Variants in HS3ST3A1 observed in about 807,000 individuals in gnomAD.
HS3ST3A1 encodes the protein heparan sulfate glucosamine 3-O-sulfotransferase 3A1.
HS3ST3A1 carries 19 observed loss-of-function variants against 25.7 expected under a neutral mutation model. The ratio of observed to expected loss-of-function variants is 0.74; its 90% CI spans 0.52 to 1.08. The LOEUF (loss-of-function observed/expected upper bound fraction) is 1.08, where lower values mean the gene tolerates loss of function less well. HS3ST3A1 is among the 50% of genes least tolerant of loss of function. The pLI is 0.00. For missense variants in HS3ST3A1, 459 were observed against 594.3 expected (o/e 0.77, Z 2.37); for synonymous variants, 226 against 278.6 (o/e 0.81, Z 1.88).
At chr17:13,506,373 T>A (rs1011304525) in intron 1 of HS3ST3A1, among the ~76,000 whole-genome samples, 3 of 152,192 alleles carry the variant, frequency 2.0e-5, no homozygotes, top group Non-Finnish European at 2.9e-5. Context: ...ACCTCTAAGA[T>A]TCCATGTAGG....
Position 13,565,492 on chromosome 17 carries a change from A to T in HS3ST3A1, c.599+35039T>A, listed in dbSNP as rs551616310. 2.0e-5 allele frequency among the ~76,000 whole-genome samples: 3 copies of T among 152,344 alleles called. No homozygotes were observed. The South Asian group carries it at 6.2e-4, about 32-fold the overall frequency. Reference sequence around the variant, plus strand: ...GGCTGCAGTGAGCTGTGATCGTGCCACTGCACTCCAGCCTGGGCTACAGAG... The same window carrying T: ...GGCTGCAGTGAGCTGTGATCGTGCCTCTGCACTCCAGCCTGGGCTACAGAG... On this transcript the variant is annotated intron_variant, in intron 1 of 1. Transcript: ENST00000284110.
At chr17:13,514,489 C>CA in intron 1 of HS3ST3A1, among the ~76,000 whole-genome samples, 1 of 152,236 alleles carries the variant, frequency 6.6e-6, no homozygotes, top group East Asian at 1.9e-4. Context: ...ACTGACACGC[C>CA]ACCTACATCA....
chr17:13,563,283 G>A (rs1907594229), intron 1 of HS3ST3A1, among the ~76,000 whole-genome samples: 1 of 151,864 alleles, frequency 6.6e-6, no homozygotes, highest in South Asian at 2.1e-4. Context: ...CTGAAGTTGG[G>A]GTATAAAGGG....
intron 1 of HS3ST3A1, among the ~76,000 whole-genome samples, chr17:13,524,412 C>A (rs1313841043): frequency 2.6e-5 from 4 of 152,096 alleles, no homozygotes; most frequent in Admixed American, 2.0e-4. Context: ...CACACACTAC[C>A]ACACCCGGCT....
chr17:13,495,892 T>A lies in HS3ST3A1; in HGVS notation c.*305A>T, dbSNP rs990452310. On this transcript the variant is annotated 3_prime_UTR_variant, in exon 2 of 2. Coordinates refer to ENST00000284110, the MANE Select transcript of HS3ST3A1 (RefSeq NM_006042.3). ...AAAAAAGAGAGAGAGATGTTTAACC[T>A]CAAGATTTTCTGAAAACTTTTAATG... The A allele has an allele frequency of 4.2e-6, 1 of 237,960 alleles. No homozygotes were observed. The highest frequency in any genetic ancestry group is 8.0e-6 in the Non-Finnish European group (1 of 125,696). 14.7% of individuals were successfully genotyped at this position (237,960 alleles called of 1,614,324 possible).
chr17:13,584,372 T>C (rs866061192), intron 1 of HS3ST3A1, among the ~76,000 whole-genome samples: 4 of 150,212 alleles, frequency 2.7e-5, no homozygotes, highest in Middle Eastern at 3.4e-3. Context: ...TGTTTAATCA[T>C]TAAGGATGGA....
At chr17:13,549,638 C>A (rs1567621033) in intron 1 of HS3ST3A1, among the ~76,000 whole-genome samples, 1 of 152,128 alleles carries the variant, frequency 6.6e-6, no homozygotes, top group Non-Finnish European at 1.5e-5. Context: ...GTGGTTGCTC[C>A]CCACTCTACT....
At chr17:13,525,224 A>T (rs937859330) in intron 1 of HS3ST3A1, among the ~76,000 whole-genome samples, 11 of 152,146 alleles carry the variant, frequency 7.2e-5, no homozygotes, top group African/African-American at 2.2e-4. Flanking sequence ...TTATGATGTA[A>T]TTTTAGTTCA....
At chr17:13,515,166 A>C (rs1906009445) in intron 1 of HS3ST3A1, among the ~76,000 whole-genome samples, 1 of 152,174 alleles carries the variant, frequency 6.6e-6, no homozygotes, top group South Asian at 2.1e-4. Context: ...AAATTGCAAT[A>C]ACATATATTT....
intron 1 of HS3ST3A1, among the ~76,000 whole-genome samples, chr17:13,513,876 A>G (rs1266323870): frequency 6.6e-6 from 1 of 152,158 alleles, no homozygotes; most frequent in Non-Finnish European, 1.5e-5. Context: ...CTATGAAGGT[A>G]TTTATATTTT....
At chr17:13,535,209 G>A (rs1866448768) in intron 1 of HS3ST3A1, among the ~76,000 whole-genome samples, 1 of 152,222 alleles carries the variant, frequency 6.6e-6, no homozygotes, top group East Asian at 1.9e-4. Context: ...ATATATAGTT[G>A]ATGCATTAAC....
chr17:13,562,342 C>T (rs568436874), intron 1 of HS3ST3A1, among the ~76,000 whole-genome samples: 3 of 152,222 alleles, frequency 2.0e-5, no homozygotes, highest in Admixed American at 6.5e-5. Context: ...GTGCCGTGGA[C>T]AGACAGACAG....
intron 1 of HS3ST3A1, among the ~76,000 whole-genome samples, chr17:13,576,694 A>G (rs1228577627): frequency 6.6e-6 from 1 of 152,230 alleles, no homozygotes; most frequent in African/African-American, 2.4e-5. Context: ...AATAACACCT[A>G]ACATCTGAGG....
At chr17:13,497,094 TGCC>T (rs1905308508) in intron 1 of HS3ST3A1, among the ~76,000 whole-genome samples, 2 of 152,206 alleles carry the variant, frequency 1.3e-5, no homozygotes, top group African/African-American at 4.8e-5. Context: ...ACCGAATAAA[TGCC>T]ACGTTAAGTT....
intron 1 of HS3ST3A1, among the ~76,000 whole-genome samples, chr17:13,570,768 C>A (rs879331043): frequency 6.6e-6 from 1 of 152,188 alleles, no homozygotes; most frequent in Non-Finnish European, 1.5e-5. Flanking sequence ...CTGTGTCCAG[C>A]CTACAACTTA....
intron 1 of HS3ST3A1, among the ~76,000 whole-genome samples, chr17:13,579,203 C>A (rs1433530571): frequency 6.6e-6 from 1 of 152,110 alleles, no homozygotes; most frequent in East Asian, 1.9e-4. Context: ...AATCATACAA[C>A]CATTTTGGAC....
intron 1 of HS3ST3A1, among the ~76,000 whole-genome samples, chr17:13,509,565 AGT>A (rs1400376394): frequency 6.6e-6 from 1 of 152,018 alleles, no homozygotes; most frequent in Non-Finnish European, 1.5e-5. Flanking sequence ...AGCCCTTAGA[AGT>A]GTGTGTGTAT....
In HS3ST3A1 at chr17:13,585,840, G is replaced by GTTCT. The variant is rs1395569900; in HGVS notation, c.599+14690_599+14691insAGAA. On this transcript the variant is annotated intron_variant, in intron 1 of 1. Coordinates refer to ENST00000284110, the MANE Select transcript of HS3ST3A1 (RefSeq NM_006042.3). ...TGAGACCTGTTATTCCTCCTTCTGC[G>GTTCT]TTTTTTTTTTTTTTTTTTTTTTTTT... Among the ~76,000 whole-genome samples the GTTCT allele has an allele frequency of 1.6e-3, 102 of 62,022 alleles. 15 individuals are homozygous for GTTCT. The highest frequency in any genetic ancestry group is 7.7e-3 in the African/African-American group (90 of 11,718). 40.7% of individuals were successfully genotyped at this position (62,022 alleles called of 152,430 possible).
intron 1 of HS3ST3A1, among the ~76,000 whole-genome samples, chr17:13,506,641 G>A (rs1007108547): frequency 2.0e-5 from 3 of 152,222 alleles, no homozygotes; most frequent in Non-Finnish European, 2.9e-5. Flanking sequence ...AGGCTTGGGG[G>A]CAGCAGAAAG....
Sources: gnomAD v4.1 joint callset for allele counts (sites outside exome capture counted in the v4.1 genomes callset) on GRCh38, gnomAD v4.1.1 for gene constraint, MANE v1.5 for transcripts, NCBI Gene and HGNC (gene_info 2026-07-23, HGNC 2026-07-21) for gene names.